Variants in CNTN5 observed in about 807,000 individuals in gnomAD.
CNTN5 encodes the protein contactin 5.
In CNTN5, 77 loss-of-function variants were observed where a neutral mutation model predicts 129.1. That is an observed-to-expected ratio of 0.60 (90% CI 0.50 to 0.72). CNTN5 has a LOEUF of 0.72. Among genes scored for constraint, CNTN5 ranks in the 30% least tolerant of loss-of-function variants. The pLI is 0.00. For synonymous variants in CNTN5, 509 were observed against 465.6 expected, an observed-to-expected ratio of 1.09 and a Z score of -1.20; for missense variants, 1,478 against 1,328.8, an observed-to-expected ratio of 1.11 and a Z score of -1.75.
At chr11:99,747,772 G>A (rs566819669) in intron 3 of CNTN5, among the ~76,000 whole-genome samples, 5 of 152,118 alleles carry the variant, frequency 3.3e-5, no homozygotes, top group African/African-American at 4.8e-5. Context: ...GCACCCGGCC[G>A]GCCAGCATTC....
intron 1 of CNTN5, among the ~76,000 whole-genome samples, chr11:99,098,644 A>G (rs1488659039): frequency 6.6e-6 from 1 of 152,138 alleles, no homozygotes; most frequent in African/African-American, 2.4e-5. Flanking sequence ...TAAAATATTA[A>G]TTATCTGATT....
chr11:99,582,228 A>G (rs1244949011), intron 3 of CNTN5, among the ~76,000 whole-genome samples: 3 of 152,160 alleles, frequency 2.0e-5, no homozygotes, highest in Non-Finnish European at 4.4e-5. Flanking sequence ...TTTGTGGGTA[A>G]CCCGACCTTT....
intron 12 of CNTN5, among the ~76,000 whole-genome samples, chr11:100,072,925 C>G (rs1157839111): frequency 2.2e-5 from 3 of 136,134 alleles, no homozygotes; most frequent in Non-Finnish European, 4.6e-5. Context: ...AAACATTTCT[C>G]AAACCCTTAT....
intron 1 of CNTN5, among the ~76,000 whole-genome samples, chr11:99,149,641 G>C (rs192948004): frequency 6.7e-4 from 102 of 151,974 alleles, no homozygotes; most frequent in African/African-American, 2.3e-3. Flanking sequence ...GTGACTTCTT[G>C]ATCTCCTTAA....
intron 3 of CNTN5, among the ~76,000 whole-genome samples, chr11:99,634,997 A>G (rs1314236534): frequency 6.6e-6 from 1 of 152,190 alleles, no homozygotes; most frequent in Non-Finnish European, 1.5e-5. Context: ...CAAAATATAT[A>G]CTAATATCTG....
At chr11:99,773,572 C>T (rs1257329900) in intron 3 of CNTN5, among the ~76,000 whole-genome samples, 1 of 151,830 alleles carries the variant, frequency 6.6e-6, no homozygotes. Flanking sequence ...TACCCATGAC[C>T]ACTTAGCCTT....
chr11:99,579,733 G>A (rs1414900743), intron 3 of CNTN5, among the ~76,000 whole-genome samples: 1 of 147,492 alleles, frequency 6.8e-6, no homozygotes, highest in African/African-American at 2.6e-5. Context: ...ATTTTGGGCT[G>A]AGACGATGGG....
intron 3 of CNTN5, among the ~76,000 whole-genome samples, chr11:99,762,104 A>T (rs1425844938): frequency 1.1e-5 from 1 of 87,890 alleles, no homozygotes; most frequent in African/African-American, 3.9e-5. Context: ...CCACTTTTTG[A>T]TGGGGTTGTT....
chr11:99,136,587 A>G (rs1161134450), intron 1 of CNTN5, among the ~76,000 whole-genome samples: 1 of 152,178 alleles, frequency 6.6e-6, no homozygotes, highest in Non-Finnish European at 1.5e-5. Flanking sequence ...CACATGAACC[A>G]ACATCCATTC....
intron 13 of CNTN5, among the ~76,000 whole-genome samples, chr11:100,154,577 C>T (rs1204848766): frequency 1.3e-5 from 2 of 151,982 alleles, no homozygotes; most frequent in Non-Finnish European, 1.5e-5. Flanking sequence ...TTCTGGTTCT[C>T]GATCCTTGAG....
At chr11:99,619,405 G>A (rs922898166) in intron 3 of CNTN5, among the ~76,000 whole-genome samples, 2 of 151,830 alleles carry the variant, frequency 1.3e-5, no homozygotes, top group African/African-American at 4.8e-5. Flanking sequence ...TTTCTATTGT[G>A]GTTAAATACA....
At chr11:99,508,027 T>C (rs1417096543) in intron 2 of CNTN5, among the ~76,000 whole-genome samples, 2 of 152,222 alleles carry the variant, frequency 1.3e-5, no homozygotes, top group Non-Finnish European at 2.9e-5. Flanking sequence ...AAATGGAAGT[T>C]AATATAGTCA....
At chr11:99,771,494 G>T (rs1944944902) in intron 3 of CNTN5, among the ~76,000 whole-genome samples, 1 of 152,024 alleles carries the variant, frequency 6.6e-6, no homozygotes, top group African/African-American at 2.4e-5. Context: ...TCTGGCATTT[G>T]TGATGAGATT....
intron 21 of CNTN5, among the ~76,000 whole-genome samples, chr11:100,321,802 G>C (rs973962183): frequency 6.6e-6 from 1 of 152,094 alleles, no homozygotes; most frequent in Non-Finnish European, 1.5e-5. Flanking sequence ...TTACTGAAAT[G>C]ATCATATGGT....
intron 13 of CNTN5, among the ~76,000 whole-genome samples, chr11:100,101,349 C>G (rs12806530): frequency 0.073 from 11,036 of 152,070 alleles, 462 homozygotes; most frequent in South Asian, 0.16. Context: ...AAGGTAAATG[C>G]TCAAGAAGGA....
chr11:99,068,715 C>A (rs931806207), intron 1 of CNTN5, among the ~76,000 whole-genome samples: 1 of 151,966 alleles, frequency 6.6e-6, no homozygotes, highest in Admixed American at 6.6e-5. Flanking sequence ...TGTAGTAAAT[C>A]GTTAAGTATG....
At chr11:99,852,430 A>G (rs575141260) in intron 6 of CNTN5, among the ~76,000 whole-genome samples, 14 of 152,320 alleles carry the variant, frequency 9.2e-5, no homozygotes, top group East Asian at 3.9e-4. Context: ...TCTTGCCTCA[A>G]TCTTCCAAAA....
intron 1 of CNTN5, among the ~76,000 whole-genome samples, chr11:99,199,269 G>A (rs1394558777): frequency 6.6e-6 from 1 of 152,146 alleles, no homozygotes; most frequent in African/African-American, 2.4e-5. Flanking sequence ...ATTCCAGTGT[G>A]GGAGCTAGGA....
intron 9 of CNTN5, among the ~76,000 whole-genome samples, chr11:100,012,197 G>A (rs1041253420): frequency 1.3e-5 from 2 of 152,124 alleles, no homozygotes; most frequent in African/African-American, 4.8e-5. Flanking sequence ...ATGAACTATT[G>A]CTTGCTTTAG....
Sources: gnomAD v4.1 joint callset for allele counts (sites outside exome capture counted in the v4.1 genomes callset) on GRCh38, gnomAD v4.1.1 for gene constraint, MANE v1.5 for transcripts, NCBI Gene and HGNC (gene_info 2026-07-23, HGNC 2026-07-21) for gene names.